Variants in MAP2 observed in about 807,000 individuals in gnomAD.
MAP2 encodes microtubule-associated protein 2.
MAP2 carries 14 observed loss-of-function variants against 137.6 expected under a neutral mutation model. The observed-to-expected ratio is 0.10, with a 90% CI of 0.07 to 0.16. The LOEUF (loss-of-function observed/expected upper bound fraction) is 0.16, where lower values mean the gene tolerates loss of function less well. MAP2 is among the 10% of genes least tolerant of loss of function. MAP2 has a pLI of 1.00. For missense variants in MAP2, 2,088 were observed against 2,191.5 expected, an observed-to-expected ratio of 0.95 and a Z score of 0.94; for synonymous variants, 786 against 782.3, an observed-to-expected ratio of 1.00 and a Z score of -0.08.
intron 4 of MAP2, among the ~76,000 whole-genome samples, chr2:209,652,412 C>T (rs1309662940): frequency 2.6e-5 from 4 of 152,088 alleles, no homozygotes; most frequent in African/African-American, 7.2e-5. Flanking sequence ...GTCATTTCCT[C>T]TTAGTCTATA....
intron 3 of MAP2, among the ~76,000 whole-genome samples, chr2:209,588,081 C>T (rs1051099396): frequency 1.3e-5 from 2 of 152,076 alleles, no homozygotes; most frequent in African/African-American, 4.8e-5. Context: ...ACATTCAAGT[C>T]GAAGCTAAGA....
intron 6 of MAP2, among the ~76,000 whole-genome samples, chr2:209,680,360 C>T (rs1022074693): frequency 1.3e-5 from 2 of 152,060 alleles, no homozygotes; most frequent in African/African-American, 4.8e-5. Context: ...TTTTTTCAGT[C>T]AGTAGCTGAA....
chr2:209,618,484 A>G (rs1194105145), intron 3 of MAP2, among the ~76,000 whole-genome samples: 4 of 152,188 alleles, frequency 2.6e-5, no homozygotes, highest in Non-Finnish European at 5.9e-5. Context: ...AAGTCTTACG[A>G]CAACATGTGA....
intron 13 of MAP2, among the ~76,000 whole-genome samples, chr2:209,715,443 C>G (rs1314123410): frequency 6.6e-6 from 1 of 151,124 alleles, no homozygotes; most frequent in African/African-American, 2.4e-5. Flanking sequence ...TAACAACAAA[C>G]AAAATAGACA....
chr2:209,558,709 A>G (rs1186071963), intron 2 of MAP2, among the ~76,000 whole-genome samples: 1 of 151,208 alleles, frequency 6.6e-6, no homozygotes, highest in South Asian at 2.1e-4. Context: ...TAATAATCCA[A>G]GAATAAGCAA....
Position 209,716,611 on chromosome 2 carries a change from A to G in MAP2, c.5073+6357A>G, listed in dbSNP as rs138812531. ...GCTCAAGACCATTCTTTTTCTTCCA[A>G]TGTGGCCCAGGGAAGCCAAAAGATT... is the stretch of plus-strand genomic sequence containing the variant. On this transcript the variant is annotated intron_variant, in intron 13 of 15. Coordinates refer to ENST00000682079, the MANE Select transcript of MAP2 (RefSeq NM_001375505.1). Among the ~76,000 whole-genome samples the G allele has an allele frequency of 6.8e-4, 104 of 152,292 alleles. No individual in the cohort carries two copies. In the East Asian group the frequency reaches 0.016, roughly 23 times the overall value.
At chr2:209,548,775 A>G (rs528734012) in intron 2 of MAP2, among the ~76,000 whole-genome samples, 2 of 152,248 alleles carry the variant, frequency 1.3e-5, no homozygotes, top group Admixed American at 6.5e-5. Flanking sequence ...TGATGGCTTT[A>G]TAAGTGTTTG....
At chr2:209,716,160 A>T (rs1182012270) in intron 13 of MAP2, among the ~76,000 whole-genome samples, 1 of 152,184 alleles carries the variant, frequency 6.6e-6, no homozygotes, top group African/African-American at 2.4e-5. Flanking sequence ...TTTTTCATTA[A>T]ATATTCCATT....
chr2:209,545,605 G>A (rs1238540900), intron 2 of MAP2, among the ~76,000 whole-genome samples: 4 of 152,090 alleles, frequency 2.6e-5, no homozygotes, highest in Admixed American at 2.6e-4. Flanking sequence ...TCTTGCAAGA[G>A]TAAAAGATGA....
At chr2:209,540,676 GAAA>G (rs2066862639) in intron 2 of MAP2, among the ~76,000 whole-genome samples, 1 of 70,152 alleles carries the variant, frequency 1.4e-5, no homozygotes, top group African/African-American at 4.9e-5. Context: ...GAAAAGAAAA[GAAA>G]ATCACAGCAC....
intron 5 of MAP2, among the ~76,000 whole-genome samples, chr2:209,662,501 A>G (rs2044128521): frequency 6.6e-6 from 1 of 152,210 alleles, no homozygotes; most frequent in South Asian, 2.1e-4. Context: ...AATATAATTT[A>G]ATTATCATTG....
At chr2:209,447,015 G>A (rs1699230698) in intron 1 of MAP2, among the ~76,000 whole-genome samples, 1 of 151,600 alleles carries the variant, frequency 6.6e-6, no homozygotes, top group African/African-American at 2.4e-5. Flanking sequence ...CTTTTTTTCT[G>A]GCAAAGCTGC....
chr2:209,646,550 ATTG>A (rs1400376035), intron 4 of MAP2, among the ~76,000 whole-genome samples: 1 of 152,248 alleles, frequency 6.6e-6, no homozygotes, highest in Non-Finnish European at 1.5e-5. Flanking sequence ...TAGAAATTGA[ATTG>A]TTGATGTTCC....
At chr2:209,577,572 G>C (rs2075556631) in intron 2 of MAP2, among the ~76,000 whole-genome samples, 1 of 152,118 alleles carries the variant, frequency 6.6e-6, no homozygotes, top group African/African-American at 2.4e-5. Context: ...GCGCCCTCCA[G>C]TGGTTGTTTT....
At chr2:209,439,582 T>C (rs1428671736) in intron 1 of MAP2, among the ~76,000 whole-genome samples, 1 of 151,494 alleles carries the variant, frequency 6.6e-6, no homozygotes, top group Non-Finnish European at 1.5e-5. Flanking sequence ...AGCTATCTTT[T>C]AGAGCAAAGA....
chr2:209,600,171 A>G (rs1489111051), intron 3 of MAP2, among the ~76,000 whole-genome samples: 1 of 152,168 alleles, frequency 6.6e-6, no homozygotes, highest in African/African-American at 2.4e-5. Context: ...ACTCTTACCC[A>G]AAATAAAAAC....
chr2:209,704,146 A>G, intron 11 of MAP2: 1 of 426,406 alleles, frequency 2.3e-6, no homozygotes, highest in Non-Finnish European at 4.6e-6. Flanking sequence ...ACCAGTGTCT[A>G]TTGTTGCCAT....
At chr2:209,676,742 T>TATAC (rs1553649296) in intron 5 of MAP2, among the ~76,000 whole-genome samples, 1 of 59,296 alleles carries the variant, frequency 1.7e-5, no homozygotes, top group Non-Finnish European at 4.6e-5. Context: ...TATATATATA[T>TATAC]ATATATATAT....
intron 4 of MAP2, among the ~76,000 whole-genome samples, chr2:209,652,370 TTCTC>T (rs1317571036): frequency 1.3e-5 from 2 of 152,230 alleles, no homozygotes; most frequent in African/African-American, 4.8e-5. Context: ...TTTATTTCCT[TTCTC>T]TCTGTAAGAT....
Sources: allele counts gnomAD v4.1 joint callset (sites outside exome capture counted in the v4.1 genomes callset), GRCh38; gene constraint gnomAD v4.1.1; transcripts MANE v1.5; gene names NCBI Gene and HGNC (gene_info 2026-07-23, HGNC 2026-07-21).